Variants in TBC1D31 observed in about 807,000 individuals in gnomAD.
TBC1D31 encodes the protein TBC1 domain family member 31.
A neutral mutation model predicts 132.9 loss-of-function variants in TBC1D31; 99 were observed. The ratio of observed to expected loss-of-function variants is 0.74; its 90% CI spans 0.63 to 0.88. The LOEUF (loss-of-function observed/expected upper bound fraction) is 0.88. TBC1D31 is among the 40% of genes least tolerant of loss of function. The pLI is 0.00. For missense variants in TBC1D31, 1,134 were observed against 1,256.6 expected (o/e 0.90, Z 1.48); for synonymous variants, 385 against 419.4 (o/e 0.92, Z 1.00).
At chr8:123,162,016 T>A in the TBC1D31 span, among the ~76,000 whole-genome samples, 16 of 36,070 alleles carry the variant, frequency 4.4e-4, no homozygotes, top group South Asian at 1.1e-3. Flanking sequence ...AGAGTCCGAC[T>A]CAAAAAAAAA....
chr8:123,162,682 G>A, the TBC1D31 span, among the ~76,000 whole-genome samples: 1 of 152,070 alleles, frequency 6.6e-6, no homozygotes, highest in South Asian at 2.1e-4. Flanking sequence ...ATAAATTCTG[G>A]TTTTGCTTAT....
At position 123,146,368 on chromosome 8, in the gene TBC1D31, C is replaced by A. The variant is rs144567807; in HGVS notation, c.2974+1513C>A. Among the ~76,000 whole-genome samples the A allele has an allele frequency of 6.6e-4, 101 of 152,316 alleles. No individual in the cohort carries two copies. The East Asian group carries it at 0.018, about 27-fold the overall frequency. ...CAAGCCCCTGGCAGCTACTAACTAC[C>A]TTGTGTCCACTCACCTATTCAGGAA... On this transcript the variant is annotated intron_variant, in intron 20 of 21. Coordinates refer to ENST00000287380, the MANE Select transcript of TBC1D31 (RefSeq NM_145647.4).
chr8:123,076,166 C>A (rs1333420514), intron 1 of TBC1D31, among the ~76,000 whole-genome samples: 1 of 152,130 alleles, frequency 6.6e-6, no homozygotes, highest in Non-Finnish European at 1.5e-5. Context: ...GTGGCATGAT[C>A]ATGGCTCACT....
intron 10 of TBC1D31, among the ~76,000 whole-genome samples, chr8:123,118,376 T>C (rs1282896083): frequency 6.6e-6 from 1 of 152,174 alleles, no homozygotes; most frequent in Non-Finnish European, 1.5e-5. Context: ...GCAGTTTTTT[T>C]TGTAAATCTA....
chr8:123,163,785 G>A, the TBC1D31 span, among the ~76,000 whole-genome samples: 4 of 152,136 alleles, frequency 2.6e-5, no homozygotes, highest in African/African-American at 7.2e-5. Flanking sequence ...TCCGTCACCC[G>A]AAGGAGTGTA....
intron 2 of TBC1D31, among the ~76,000 whole-genome samples, chr8:123,079,953 A>T (rs1814965144): frequency 6.6e-6 from 1 of 152,202 alleles, no homozygotes; most frequent in Non-Finnish European, 1.5e-5. Context: ...TTGCACCATA[A>T]GTGTTACTAT....
At chr8:123,147,855 C>CGGT (rs1379441521) in intron 20 of TBC1D31, among the ~76,000 whole-genome samples, 4 of 152,074 alleles carry the variant, frequency 2.6e-5, no homozygotes, top group African/African-American at 9.7e-5. Context: ...GAGCCCGGCG[C>CGGT]GGTGGCTCAC....
intron 2 of TBC1D31, 22 bp from the exon 3 acceptor site, chr8:123,082,680 T>C (rs765073590): frequency 6.7e-7 from 1 of 1,498,840 alleles, no homozygotes; most frequent in Non-Finnish European, 9.2e-7. Context: ...TTTGTGATAC[T>C]AATGCAATGA....
chr8:123,097,136 A>G (rs900895435), intron 5 of TBC1D31, 146 bp from the exon 6 acceptor site: 2 of 683,144 alleles, frequency 2.9e-6, no homozygotes, highest in African/African-American at 3.6e-5. Flanking sequence ...GCCACATTTC[A>G]AGTGCTCAAT....
At chr8:123,141,704 T>C (rs1013502269) in intron 18 of TBC1D31, among the ~76,000 whole-genome samples, 2 of 152,140 alleles carry the variant, frequency 1.3e-5, no homozygotes, top group African/African-American at 4.8e-5. Context: ...TTAATAGGCT[T>C]GTGTCCAGTC....
chr8:123,132,366 A>G (rs1283641744), intron 16 of TBC1D31, among the ~76,000 whole-genome samples: 2 of 148,408 alleles, frequency 1.3e-5, no homozygotes, highest in Non-Finnish European at 3.0e-5. Context: ...TAGAGTTTCA[A>G]GCCTAGTTTT....
chr8:123,097,746 GA>G (rs1816964085), intron 6 of TBC1D31: 1 of 196,818 alleles, frequency 5.1e-6, no homozygotes, highest in African/African-American at 2.3e-5. Context: ...GCATAGGCAG[GA>G]AAGATATTCT....
chr8:123,159,266 A>AGG, the TBC1D31 span, among the ~76,000 whole-genome samples: 2 of 132,664 alleles, frequency 1.5e-5, no homozygotes, highest in East Asian at 2.0e-4. Flanking sequence ...GTATTTGAAC[A>AGG]GGAAAAAAAA....
At chr8:123,150,014 A>C in intron 20 of TBC1D31, 22 bp from the exon 21 acceptor site, 1 of 1,584,082 alleles carries the variant, frequency 6.3e-7, no homozygotes, top group Non-Finnish European at 8.7e-7. Flanking sequence ...ACATCATCTT[A>C]ATCTCCTCAC....
At chr8:123,159,733 G>C in the TBC1D31 span, among the ~76,000 whole-genome samples, 3 of 151,962 alleles carry the variant, frequency 2.0e-5, no homozygotes, top group East Asian at 3.9e-4. Context: ...CGGAGGTTGC[G>C]GTGAGCCGAG....
intron 2 of TBC1D31, among the ~76,000 whole-genome samples, chr8:123,080,163 G>C (rs1312358769): frequency 1.3e-5 from 2 of 152,182 alleles, no homozygotes; most frequent in East Asian, 3.8e-4. Context: ...TTATCAACTT[G>C]TGTCATGCAT....
chr8:123,097,846 A>C (rs926980580), intron 6 of TBC1D31: 1 of 153,764 alleles, frequency 6.5e-6, no homozygotes, highest in African/African-American at 2.4e-5. Context: ...TTGGACTAGA[A>C]CTAAAATGTT....
intron 16 of TBC1D31, among the ~76,000 whole-genome samples, chr8:123,133,177 G>GA (rs1755906269): frequency 1.3e-5 from 2 of 152,342 alleles, no homozygotes; most frequent in South Asian, 4.1e-4. Context: ...AAGCAAAGCT[G>GA]ATCGGTTTTT....
intron 10 of TBC1D31, among the ~76,000 whole-genome samples, chr8:123,112,816 T>C (rs928783446): frequency 6.6e-6 from 1 of 152,226 alleles, no homozygotes; most frequent in Non-Finnish European, 1.5e-5. Flanking sequence ...TGTTAAGAGA[T>C]GACTTAGAGA....
Sources: allele counts gnomAD v4.1 joint callset (sites outside exome capture counted in the v4.1 genomes callset), GRCh38; gene constraint gnomAD v4.1.1; transcripts MANE v1.5; gene names NCBI Gene and HGNC (gene_info 2026-07-23, HGNC 2026-07-21).